Variants in CLASP2 observed in about 807,000 individuals in gnomAD.
The protein encoded by CLASP2 is CLIP-associating protein 2.
A neutral mutation model predicts 194.4 loss-of-function variants in CLASP2; 47 were observed. The observed-to-expected ratio is 0.24, with a 90% CI of 0.19 to 0.31. CLASP2 has a LOEUF of 0.31. Among genes scored for constraint, CLASP2 ranks in the 10% least tolerant of loss-of-function variants. The pLI is 1.00. For missense variants in CLASP2, 1,445 were observed against 1,823.6 expected (o/e 0.79, Z 3.78); for synonymous variants, 619 against 633.5 (o/e 0.98, Z 0.34).
chr3:33,596,515 G>C (rs1213416046), intron 19 of CLASP2, 196 bp downstream of exon 19: 3 of 541,052 alleles, frequency 5.5e-6, no homozygotes, highest in African/African-American at 1.9e-5. Flanking sequence ...GAGCAGACTG[G>C]GATATGGTAT....
chr3:33,645,527 T>C (rs1445254989), intron 7 of CLASP2: 18 of 471,956 alleles, frequency 3.8e-5, no homozygotes, highest in East Asian at 6.3e-5. Flanking sequence ...CATCATCTTA[T>C]GGCAGCTACT....
At chr3:33,716,623 T>C (rs1559727860) in intron 1 of CLASP2, among the ~76,000 whole-genome samples, 1 of 152,248 alleles carries the variant, frequency 6.6e-6, no homozygotes, top group African/African-American at 2.4e-5. Context: ...TAAATTTAGC[T>C]TGTTTCTTCC....
At chr3:33,669,620 A>G (rs554065556) in intron 6 of CLASP2, among the ~76,000 whole-genome samples, 3 of 152,128 alleles carry the variant, frequency 2.0e-5, no homozygotes, top group South Asian at 2.1e-4. Context: ...CCTGAAAAGA[A>G]CACCACAAAA....
chr3:33,511,615 G>A (rs1410362784), intron 36 of CLASP2, among the ~76,000 whole-genome samples: 2 of 152,090 alleles, frequency 1.3e-5, no homozygotes, highest in Non-Finnish European at 2.9e-5. Flanking sequence ...AGCTTGGGGA[G>A]GGTAAAACAC....
intron 7 of CLASP2, among the ~76,000 whole-genome samples, chr3:33,647,774 C>T (rs917074312): frequency 6.6e-6 from 1 of 152,194 alleles, no homozygotes; most frequent in African/African-American, 2.4e-5. Flanking sequence ...GTGGCTCACG[C>T]CTGTAATCCC....
At chr3:33,569,950 A>C (rs1173420624) in intron 26 of CLASP2, among the ~76,000 whole-genome samples, 1 of 152,172 alleles carries the variant, frequency 6.6e-6, no homozygotes, top group African/African-American at 2.4e-5. Flanking sequence ...AAAAAGAAAC[A>C]GTAAAGTGAA....
chr3:33,571,350 C>T (rs553506392), intron 25 of CLASP2, among the ~76,000 whole-genome samples: 5 of 151,052 alleles, frequency 3.3e-5, no homozygotes, highest in Admixed American at 1.3e-4. Flanking sequence ...CTGCAATGGT[C>T]GGGCACGGTG....
At chr3:33,567,018 G>C (rs1279544892) in intron 26 of CLASP2, among the ~76,000 whole-genome samples, 1 of 151,934 alleles carries the variant, frequency 6.6e-6, no homozygotes. Flanking sequence ...TTTTTTTCCA[G>C]ACCCTATCAA....
At position 33,718,201 on chromosome 3, in the gene CLASP2, C is replaced by A. The variant is rs921443915; in HGVS notation, c.-199G>T. ...CAAACTAGTCAAACTCGGCGCCCCC[C>A]GATCCCCAGCCCGCTTCAGAGGCCG... On this transcript the variant is annotated 5_prime_UTR_variant, in exon 1 of 39. Coordinates refer to ENST00000682230, the MANE Select transcript of CLASP2 (RefSeq NM_001365631.1). 9 of 365,522 alleles carry A rather than the reference C, an allele frequency of 2.5e-5. No individual in the cohort carries two copies. Among genetic ancestry groups the A allele is most frequent in the South Asian group, 1.3e-4 (2 of 15,616 alleles). 22.6% of individuals were successfully genotyped at this position (365,522 alleles called of 1,614,324 possible).
intron 37 of CLASP2, chr3:33,503,455 G>A (rs1460278083): frequency 1.4e-5 from 2 of 147,112 alleles, no homozygotes; most frequent in African/African-American, 5.0e-5. Flanking sequence ...TTGAGATGAC[G>A]TCTTGCTCCG....
intron 38 of CLASP2, among the ~76,000 whole-genome samples, chr3:33,499,660 T>C (rs1359803820): frequency 6.6e-6 from 1 of 152,174 alleles, no homozygotes; most frequent in African/African-American, 2.4e-5. Context: ...AGGGCAGTTC[T>C]TTATAGCAGC....
At chr3:33,660,997 T>G (rs1246143103) in intron 7 of CLASP2, among the ~76,000 whole-genome samples, 3 of 152,362 alleles carry the variant, frequency 2.0e-5, no homozygotes, top group African/African-American at 7.2e-5. Context: ...AATTGTTACT[T>G]ATAAAAATTT....
In CLASP2 at chr3:33,544,824, C is replaced by A; in HGVS notation, c.3171G>T (p.Leu1057=). 6.2e-7 allele frequency: 1 copy of A among 1,609,884 alleles called. No homozygotes were observed. Among genetic ancestry groups the A allele is most frequent in the Non-Finnish European group, 8.5e-7 (1 of 1,178,340 alleles). ...SDVRKAAQSV[L]ISLFELNTPE... ...GGGTATTGAGTTCAAATAATGAAAT[C>A]AGCACTGACTGTGCTGCCTAAAAAA... The change falls in exon 31 of 39, where the codon CTG becomes CTT. Residue 1057 remains leucine, a synonymous_variant. Coordinates refer to ENST00000682230, the MANE Select transcript of CLASP2 (RefSeq NM_001365631.1).
Position 33,576,154 on chromosome 3 carries a change from A to C in CLASP2, c.2454+15T>G. The C allele has an allele frequency of 6.3e-7, 1 of 1,595,616 alleles. No individual in the cohort carries two copies. The highest frequency in any genetic ancestry group is 8.6e-7 in the Non-Finnish European group (1 of 1,163,546). ...ATTGGAACATTTATAATGATAAGAA[A>C]ATGGAGAAGAGTACCAAGGCATCTG... On this transcript the variant is annotated intron_variant, in intron 24 of 38. Coordinates refer to ENST00000682230, the MANE Select transcript of CLASP2 (RefSeq NM_001365631.1).
At chr3:33,668,565 G>A (rs909956374) in intron 6 of CLASP2, among the ~76,000 whole-genome samples, 2 of 152,178 alleles carry the variant, frequency 1.3e-5, no homozygotes, top group African/African-American at 2.4e-5. Flanking sequence ...GGTGTAAACC[G>A]AAATTAATCT....
chr3:33,562,652 C>T (rs2061985840), intron 27 of CLASP2, among the ~76,000 whole-genome samples: 1 of 152,096 alleles, frequency 6.6e-6, no homozygotes, highest in African/African-American at 2.4e-5. Context: ...CACCATTGTC[C>T]TATTCTTTGG....
chr3:33,692,489 T>C (rs964866868), intron 2 of CLASP2, among the ~76,000 whole-genome samples: 2 of 152,188 alleles, frequency 1.3e-5, no homozygotes, highest in Non-Finnish European at 2.9e-5. Flanking sequence ...ATTCATACTG[T>C]TTTTGCACTG....
At chr3:33,675,116 C>T (rs963950891) in intron 6 of CLASP2, among the ~76,000 whole-genome samples, 5 of 152,256 alleles carry the variant, frequency 3.3e-5, no homozygotes, top group African/African-American at 9.6e-5. Flanking sequence ...ATACCAAAGC[C>T]GCGCAGAGAC....
chr3:33,510,807 T>C (rs1272074291), intron 36 of CLASP2, 43 bp from the exon 37 acceptor site: 1 of 1,472,536 alleles, frequency 6.8e-7, no homozygotes, highest in Admixed American at 2.0e-5. Context: ...ATTTTTAAAA[T>C]ATTACACTAC....
Sources: allele counts gnomAD v4.1 joint callset (sites outside exome capture counted in the v4.1 genomes callset), GRCh38; gene constraint gnomAD v4.1.1; transcripts MANE v1.5; gene names NCBI Gene and HGNC (gene_info 2026-07-23, HGNC 2026-07-21).